TMTC2: variants seen among roughly 807,000 people sequenced by gnomAD.
The protein encoded by TMTC2 is protein O-mannosyl-transferase TMTC2.
A neutral mutation model predicts 82.4 loss-of-function variants in TMTC2; 43 were observed. That is an observed-to-expected ratio of 0.52 (90% CI 0.41 to 0.67). The LOEUF is 0.67. Ranked by LOEUF, TMTC2 falls within the 30% of genes least tolerant of loss-of-function variation. TMTC2 has a pLI of 0.00. For missense variants in TMTC2, 919 were observed against 1,012.4 expected, an observed-to-expected ratio of 0.91 and a Z score of 1.25; for synonymous variants, 408 against 381.9, an observed-to-expected ratio of 1.07 and a Z score of -0.80.
chr12:82,923,163 T>C (rs1174430717), intron 3 of TMTC2, among the ~76,000 whole-genome samples: 1 of 152,196 alleles, frequency 6.6e-6, no homozygotes, highest in African/African-American at 2.4e-5. Context: ...GTTGACCTTA[T>C]CCATTTTTCT....
intron 1 of TMTC2, among the ~76,000 whole-genome samples, chr12:82,769,602 G>A (rs1486707450): frequency 6.6e-6 from 1 of 152,056 alleles, no homozygotes; most frequent in Admixed American, 6.6e-5. Flanking sequence ...CAGAAGTGAT[G>A]TTAAAGACAC....
intron 4 of TMTC2, among the ~76,000 whole-genome samples, chr12:82,959,073 T>A (rs1877773558): frequency 1.3e-5 from 2 of 152,124 alleles, no homozygotes; most frequent in African/African-American, 4.8e-5. Context: ...CAATCCCATT[T>A]ACAATAGCCA....
chr12:83,059,807 A>C (rs967064324), intron 10 of TMTC2, among the ~76,000 whole-genome samples: 1 of 151,724 alleles, frequency 6.6e-6, no homozygotes, highest in Non-Finnish European at 1.5e-5. Context: ...TCATTATTAA[A>C]TGTCCATAAA....
At chr12:82,867,207 G>A (rs979563517) in intron 2 of TMTC2, among the ~76,000 whole-genome samples, 4 of 152,110 alleles carry the variant, frequency 2.6e-5, no homozygotes, top group African/African-American at 9.7e-5. Context: ...CATGAATTCC[G>A]AATTTAATAC....
intron 11 of TMTC2, among the ~76,000 whole-genome samples, chr12:83,067,807 A>C (rs897841600): frequency 6.6e-6 from 1 of 152,050 alleles, no homozygotes; most frequent in Non-Finnish European, 1.5e-5. Flanking sequence ...TCTCTGATTT[A>C]TATGCTAACT....
intron 11 of TMTC2, among the ~76,000 whole-genome samples, chr12:83,065,455 A>G (rs1355738428): frequency 6.6e-6 from 1 of 151,950 alleles, no homozygotes; most frequent in Non-Finnish European, 1.5e-5. Context: ...GTTGTTTACC[A>G]AAATACATAG....
intron 1 of TMTC2, among the ~76,000 whole-genome samples, chr12:82,766,783 C>CTATT (rs10645376): frequency 0.19 from 28,798 of 151,330 alleles, 2,881 homozygotes; most frequent in Middle Eastern, 0.35. Context: ...GTTGATTCTT[C>CTATT]TATTTATTTA....
rs76536097 is a variant in TMTC2 at position 83,022,155 on chromosome 12, C to T, written c.2071-8643C>T. Among the ~76,000 whole-genome samples the T allele has an allele frequency of 7.2e-5, 11 of 151,948 alleles. No individual in the cohort carries two copies. The East Asian group carries it at 2.1e-3, about 29-fold the overall frequency. ...ACTAATTTCATGCTCCTTACAGAAC[C>T]CACTAGGCCCTGCACAGTCTGGTCC... On this transcript the variant is annotated intron_variant, in intron 8 of 11. Coordinates refer to ENST00000321196, the MANE Select transcript of TMTC2 (RefSeq NM_152588.3).
intron 2 of TMTC2, among the ~76,000 whole-genome samples, chr12:82,870,140 C>T (rs1872100411): frequency 6.6e-6 from 1 of 152,082 alleles, no homozygotes; most frequent in Non-Finnish European, 1.5e-5. Context: ...TTATTTCACC[C>T]TGGGTTCTTT....
At chr12:83,014,742 G>A (rs1279343339) in intron 8 of TMTC2, among the ~76,000 whole-genome samples, 1 of 146,198 alleles carries the variant, frequency 6.8e-6, no homozygotes, top group African/African-American at 2.5e-5. Context: ...TTTTTTTTTT[G>A]AGTGTTCACA....
At chr12:82,752,021 G>A (rs899911475) in intron 1 of TMTC2, among the ~76,000 whole-genome samples, 2 of 152,046 alleles carry the variant, frequency 1.3e-5, no homozygotes, top group Non-Finnish European at 2.9e-5. Flanking sequence ...TTTTATATGG[G>A]AAAAATGCCA....
At chr12:83,057,973 A>G (rs1882606516) in intron 10 of TMTC2, among the ~76,000 whole-genome samples, 4 of 151,834 alleles carry the variant, frequency 2.6e-5, no homozygotes, top group Admixed American at 2.6e-4. Flanking sequence ...GTTAATCGTA[A>G]GTGGTTCTTT....
intron 9 of TMTC2, among the ~76,000 whole-genome samples, chr12:83,041,429 G>A (rs1320319766): frequency 6.6e-6 from 1 of 152,126 alleles, no homozygotes; most frequent in Non-Finnish European, 1.5e-5. Flanking sequence ...TTTATTTACG[G>A]TTTTATAAAG....
At chr12:83,114,780 T>C (rs1224577881) in intron 11 of TMTC2, among the ~76,000 whole-genome samples, 1 of 152,058 alleles carries the variant, frequency 6.6e-6, no homozygotes, top group Non-Finnish European at 1.5e-5. Flanking sequence ...AGTATGTCTT[T>C]GCTTATGTCC....
intron 9 of TMTC2, among the ~76,000 whole-genome samples, chr12:83,044,409 G>C (rs1882013098): frequency 6.6e-6 from 1 of 152,116 alleles, no homozygotes; most frequent in Non-Finnish European, 1.5e-5. Context: ...AGAGAGGGTG[G>C]GGAAGAACCT....
At chr12:82,993,539 T>C (rs1434425) in intron 8 of TMTC2, among the ~76,000 whole-genome samples, 143,965 of 152,192 alleles carry the variant, frequency 0.95, 68,128 homozygotes, top group East Asian at 1. Flanking sequence ...CATTTACTGC[T>C]ATAAGATATA....
At chr12:83,109,812 G>T (rs1404108936) in intron 11 of TMTC2, among the ~76,000 whole-genome samples, 4 of 151,976 alleles carry the variant, frequency 2.6e-5, no homozygotes, top group Non-Finnish European at 4.4e-5. Flanking sequence ...ATCCATCTCT[G>T]CCTATTCCAT....
intron 2 of TMTC2, among the ~76,000 whole-genome samples, chr12:82,875,634 TCAGA>T (rs1872447267): frequency 6.6e-6 from 1 of 152,104 alleles, no homozygotes; most frequent in Non-Finnish European, 1.5e-5. Context: ...TTCAAAATAA[TCAGA>T]CAAAGTAAAC....
chr12:82,763,619 G>C (rs1409308632), intron 1 of TMTC2, among the ~76,000 whole-genome samples: 1 of 152,164 alleles, frequency 6.6e-6, no homozygotes, highest in East Asian at 1.9e-4. Flanking sequence ...AGAAAACATT[G>C]TCCACTGTTT....
Sources: allele counts gnomAD v4.1 joint callset (sites outside exome capture counted in the v4.1 genomes callset), GRCh38; gene constraint gnomAD v4.1.1; transcripts MANE v1.5; gene names NCBI Gene and HGNC (gene_info 2026-07-23, HGNC 2026-07-21).